MAP3K13: variants seen among roughly 807,000 people sequenced by gnomAD.
The protein encoded by MAP3K13 is mitogen-activated protein kinase kinase kinase 13, also known as leucine zipper-bearing kinase.
In MAP3K13, 52 loss-of-function variants were observed where a neutral mutation model predicts 104.0. The observed-to-expected ratio is 0.50, with a 90% CI of 0.40 to 0.63. MAP3K13 has a LOEUF of 0.63. MAP3K13 is among the 20% of genes least tolerant of loss of function. The pLI is 0.00. For synonymous variants in MAP3K13, 394 were observed against 442.2 expected (o/e 0.89, Z 1.37); for missense variants, 914 against 1,218.5 (o/e 0.75, Z 3.72).
At chr3:185,399,379 C>A (rs1028107071) in intron 1 of MAP3K13, among the ~76,000 whole-genome samples, 15 of 151,440 alleles carry the variant, frequency 9.9e-5, no homozygotes, top group African/African-American at 3.6e-4. Flanking sequence ...CCGAGGCCCG[C>A]GGATCATGAG....
chr3:185,391,682 A>C (rs1215159659), intron 1 of MAP3K13, among the ~76,000 whole-genome samples: 1 of 152,192 alleles, frequency 6.6e-6, no homozygotes, highest in Non-Finnish European at 1.5e-5. Context: ...AATCCATCAT[A>C]TCTACTGTAG....
chr3:185,290,054 G>T (rs148290177), intron 2 of MAP3K13, among the ~76,000 whole-genome samples: 2 of 152,046 alleles, frequency 1.3e-5, no homozygotes, highest in Non-Finnish European at 2.9e-5. Flanking sequence ...GTATATAAAG[G>T]CTTGCCTAAG....
chr3:185,462,317 G>A (rs984849238), intron 7 of MAP3K13, among the ~76,000 whole-genome samples: 1 of 152,124 alleles, frequency 6.6e-6, no homozygotes, highest in Admixed American at 6.5e-5. Flanking sequence ...AAAGCTCAAT[G>A]TCCTTTCTAA....
rs951912117 is a variant in MAP3K13 at position 185,437,430 on chromosome 3, C to G, written c.476-17C>G. 5 of 1,609,776 alleles carry G rather than the reference C, an allele frequency of 3.1e-6. No homozygotes were observed. Among genetic ancestry groups the G allele is most frequent in the Non-Finnish European group, 3.4e-6 (4 of 1,178,162 alleles). ...TTCTGAGATCTCTTCAAGCTTATTT[C>G]TTGCTTGTGTGCCTAGATACTTGGG... On this transcript the variant is annotated splice_polypyrimidine_tract_variant and intron_variant, in intron 2 of 13. Coordinates refer to ENST00000265026, the MANE Select transcript of MAP3K13 (RefSeq NM_004721.5).
intron 11 of MAP3K13, among the ~76,000 whole-genome samples, chr3:185,475,072 C>T (rs561487696): frequency 1.5e-3 from 212 of 140,346 alleles, no homozygotes; most frequent in African/African-American, 5.3e-3. Context: ...CCAGACTGGG[C>T]GACAGTGTGA....
At chr3:185,461,794 C>T (rs1457784171) in intron 7 of MAP3K13, among the ~76,000 whole-genome samples, 1 of 152,150 alleles carries the variant, frequency 6.6e-6, no homozygotes, top group Non-Finnish European at 1.5e-5. Context: ...AACTCCTGGG[C>T]TCAAGCAATC....
chr3:185,323,497 C>A (rs980018445), intron 2 of MAP3K13, among the ~76,000 whole-genome samples: 1 of 152,046 alleles, frequency 6.6e-6, no homozygotes. Context: ...CCACGTCCAG[C>A]TAATTTTGTA....
rs567329965 is a variant in MAP3K13 at position 185,329,215 on chromosome 3, T to C, written c.-86+43572T>C. 3.8e-4 allele frequency: 268 copies of C among 703,186 alleles called. 3 individuals are homozygous for C. The highest frequency in any genetic ancestry group is 3.5e-3 in the South Asian group (236 of 67,602). 43.6% of individuals were successfully genotyped at this position (703,186 alleles called of 1,614,324 possible). A position where few individuals can be genotyped will look rare whatever the true frequency, so the allele number is the denominator to read the frequency against. On this transcript the variant is annotated intron_variant, in intron 2 of 14. Coordinates refer to the MAP3K13 transcript ENST00000424227. ...GCACGAAATGATTTCTAATGTCTTA[T>C]GTTGAGTGCAAGTGTTTACAGTTAG... is the stretch of plus-strand genomic sequence containing the variant.
At chr3:185,448,223 C>A (rs1378315152) in intron 5 of MAP3K13, 5 of 486,540 alleles carry the variant, frequency 1.0e-5, no homozygotes, top group East Asian at 3.8e-5. Context: ...AAGTTTACTT[C>A]AAATGATCAT....
chr3:185,385,641 C>T (rs1228712807), intron 1 of MAP3K13, among the ~76,000 whole-genome samples: 1 of 152,166 alleles, frequency 6.6e-6, no homozygotes, highest in Non-Finnish European at 1.5e-5. Context: ...AAGCCAGTAT[C>T]TCTGATGAAC....
rs369853414 is a variant in MAP3K13, at chr3:185,455,310, GAT to G, written c.1278+3922_1278+3923del. Among the ~76,000 whole-genome samples the G allele has an allele frequency of 2.7e-4, 4 of 14,944 alleles. 1 individual carries two copies. Among genetic ancestry groups the G allele is most frequent in the East Asian group, 1.8e-3 (1 of 564 alleles). The allele number at this position is 14,944 out of a possible 152,430, so 9.8% of individuals were successfully genotyped here. On this transcript the variant is annotated intron_variant, in intron 7 of 13. Transcript: ENST00000265026. Reference sequence around the variant, plus strand: ...AGATATATATATGAGATATATATGAGATATATATGAGATATATATGATATATA... The same window carrying G: ...AGATATATATATGAGATATATATGAGATATATGAGATATATATGATATATA...
intron 2 of MAP3K13, among the ~76,000 whole-genome samples, chr3:185,341,342 TC>T (rs1722716598): frequency 6.6e-6 from 1 of 151,958 alleles, no homozygotes; most frequent in African/African-American, 2.4e-5. Flanking sequence ...CCAAGGAGCA[TC>T]AAAGATTTCC....
At chr3:185,284,148 T>C (rs545817002) in intron 1 of MAP3K13, among the ~76,000 whole-genome samples, 1 of 152,186 alleles carries the variant, frequency 6.6e-6, no homozygotes, top group East Asian at 1.9e-4. Context: ...ACTTTCCTTT[T>C]TCTTAATGTT....
At chr3:185,352,819 A>G (rs1465855407) in intron 2 of MAP3K13, among the ~76,000 whole-genome samples, 1 of 152,218 alleles carries the variant, frequency 6.6e-6, no homozygotes, top group East Asian at 1.9e-4. Flanking sequence ...TGTTTAATGA[A>G]TGCTACCTGT....
chr3:185,473,515 T>C lies in MAP3K13; in HGVS notation c.2184T>C (p.Ala728=), dbSNP rs1289743921. 1 of 1,614,192 alleles carries C rather than the reference T, an allele frequency of 6.2e-7. No individual in the cohort carries two copies. Among genetic ancestry groups the C allele is most frequent in the Admixed American group, 1.7e-5 (1 of 60,028 alleles). ...AGPWGCCQAD[A]YDPCLQCRPE... ...CCTGGGGCTGTTGCCAGGCTGACGC[T>C]TATGACCCCTGCCTTCAGTGCAGGC... The change falls in exon 11 of 14, where the codon GCT becomes GCC. Residue 728 remains alanine (A), a synonymous_variant. Transcript: ENST00000265026. The surrounding 1 kb of genome is among the most constrained non-coding windows in gnomAD (Gnocchi z 4.9).
chr3:185,386,656 C>T (rs1711712674), intron 1 of MAP3K13, among the ~76,000 whole-genome samples: 1 of 152,124 alleles, frequency 6.6e-6, no homozygotes, highest in Non-Finnish European at 1.5e-5. Flanking sequence ...AACCTAAATG[C>T]CCATCAATGA....
intron 2 of MAP3K13, among the ~76,000 whole-genome samples, chr3:185,345,485 T>G (rs1403712504): frequency 6.6e-6 from 1 of 152,202 alleles, no homozygotes. Flanking sequence ...GTAAGCTTCA[T>G]CTGGTATTTA....
intron 7 of MAP3K13, among the ~76,000 whole-genome samples, chr3:185,461,735 G>T (rs547996155): frequency 6.6e-6 from 1 of 151,908 alleles, no homozygotes; most frequent in East Asian, 1.9e-4. Context: ...GCTAATTTTT[G>T]TATTTTTAGT....
At position 185,480,544 on chromosome 3, in the gene MAP3K13, C is replaced by G; in HGVS notation, c.2799+15C>G. Reference sequence around the variant, plus strand: ...GTGGCTATGAGGTGGGGGCTTCTCCCTTCTCCTCCCATCACTGTTCCCTTT... The same window carrying G: ...GTGGCTATGAGGTGGGGGCTTCTCCGTTCTCCTCCCATCACTGTTCCCTTT... On this transcript the variant is annotated intron_variant, in intron 13 of 13. Transcript: ENST00000265026. The G allele has an allele frequency of 6.2e-7, 1 of 1,608,202 alleles. No homozygotes were observed. The highest frequency in any genetic ancestry group is 8.5e-7 in the Non-Finnish European group (1 of 1,176,266).
Sources: allele counts gnomAD v4.1 joint callset (sites outside exome capture counted in the v4.1 genomes callset), GRCh38; gene constraint gnomAD v4.1.1; non-coding constraint Gnocchi (gnomAD v3.1); transcripts MANE v1.5; gene names NCBI Gene and HGNC (gene_info 2026-07-23, HGNC 2026-07-21).